Variants in EXT2 observed in about 807,000 individuals in gnomAD.
EXT2 encodes exostosin-2.
EXT2 carries 53 observed loss-of-function variants against 81.6 expected under a neutral mutation model. The ratio of observed to expected loss-of-function variants is 0.65; its 90% CI spans 0.52 to 0.82. EXT2 has a LOEUF of 0.82. EXT2 is among the 40% of genes least tolerant of loss of function. The pLI is 0.00. For synonymous variants in EXT2, 320 were observed against 340.0 expected (o/e 0.94, Z 0.65); for missense variants, 774 against 910.2 (o/e 0.85, Z 1.93).
chr11:44,101,011 T>A (rs1036034802), intron 1 of EXT2, among the ~76,000 whole-genome samples: 1 of 152,046 alleles, frequency 6.6e-6, no homozygotes, highest in Non-Finnish European at 1.5e-5. Context: ...TCCACTCCCC[T>A]CAGATCTCAG....
At chr11:44,107,379 G>T (rs544414226) in intron 1 of EXT2, among the ~76,000 whole-genome samples, 1 of 152,084 alleles carries the variant, frequency 6.6e-6, no homozygotes, top group Non-Finnish European at 1.5e-5. Context: ...CTGATAGATT[G>T]AGCTCAGGAG....
In EXT2 at chr11:44,197,284, G is replaced by A. The variant is rs138301969; in HGVS notation, c.1306-545G>A. Among the ~76,000 whole-genome samples, 6 of 151,796 alleles carry A rather than the reference G, an allele frequency of 4.0e-5. No homozygotes were observed. The East Asian group carries it at 9.7e-4, about 25-fold the overall frequency. On this transcript the variant is annotated intron_variant, in intron 8 of 13. Coordinates refer to ENST00000533608, the MANE Select transcript of EXT2 (RefSeq NM_207122.2). ...CAGTCTTCCTGTTTTCAACCTTACC[G>A]CTTCTCTTACCTCACAAGGTATCTG...
rs79916850 is a variant in EXT2 at position 44,251,516 on chromosome 11, G to A, written c.*7229G>A. On this transcript the variant is annotated 3_prime_UTR_variant, in exon 14 of 14. Coordinates refer to ENST00000533608, the MANE Select transcript of EXT2 (RefSeq NM_207122.2). ...CATGAGACCATTATGAGCAGGACACGACATTGTTTCACACCTTGGGCTGTG... is the reference window on the plus strand; with the variant it reads ...CATGAGACCATTATGAGCAGGACACAACATTGTTTCACACCTTGGGCTGTG... Among the ~76,000 whole-genome samples, 852 of 152,168 alleles carry A rather than the reference G, an allele frequency of 5.6e-3. 14 individuals are homozygous for A. Among genetic ancestry groups the A allele is most frequent in the African/African-American group, 0.019 (796 of 41,500 alleles).
chr11:44,229,422 G>A (rs868413061), intron 10 of EXT2, among the ~76,000 whole-genome samples: 3 of 152,170 alleles, frequency 2.0e-5, no homozygotes, highest in Admixed American at 6.5e-5. Flanking sequence ...AGCTCTGTTG[G>A]TTACAACACA....
intron 8 of EXT2, among the ~76,000 whole-genome samples, chr11:44,185,745 A>T (rs2067786): frequency 0.18 from 26,866 of 152,146 alleles, 2,510 homozygotes; most frequent in Non-Finnish European, 0.22. Context: ...CTTGGATGCC[A>T]TAAGCTGTAA....
chr11:44,215,865 ATTTTTTTTT>A (rs34411687), intron 10 of EXT2, among the ~76,000 whole-genome samples: 12,660 of 128,000 alleles, frequency 0.099, 557 homozygotes, highest in Middle Eastern at 0.19. Flanking sequence ...CCATTTGGGA[ATTTTTTTTT>A]TTTTTTTTTT....
chr11:44,186,976 A>G (rs1216401059), intron 8 of EXT2, among the ~76,000 whole-genome samples: 2 of 146,350 alleles, frequency 1.4e-5, no homozygotes, highest in Non-Finnish European at 3.0e-5. Context: ...TTGACCTTGT[A>G]CAAAATTTCC....
rs1956097602 is a variant in EXT2 at position 44,246,795 on chromosome 11, C to T, written c.*2508C>T. Among the ~76,000 whole-genome samples the T allele has an allele frequency of 2.0e-5, 3 of 152,206 alleles. No individual in the cohort carries two copies. The highest frequency in any genetic ancestry group is 2.0e-4 in the Admixed American group (3 of 15,282). On this transcript the variant is annotated 3_prime_UTR_variant, in exon 14 of 14. Coordinates refer to ENST00000533608, the MANE Select transcript of EXT2 (RefSeq NM_207122.2). ...GAGCTGCTAACCAGCAAACCTCACC[C>T]ATAAGCTTAGGTCAGGATCATCTGT... is the stretch of plus-strand genomic sequence containing the variant.
intron 8 of EXT2, among the ~76,000 whole-genome samples, chr11:44,191,604 A>T (rs1212294615): frequency 6.6e-6 from 1 of 152,192 alleles, no homozygotes; most frequent in South Asian, 2.1e-4. Flanking sequence ...GCTTGATTTC[A>T]TGCAGAAAGT....
chr11:44,193,242 T>G (rs1955415052), intron 8 of EXT2, among the ~76,000 whole-genome samples: 1 of 152,220 alleles, frequency 6.6e-6, no homozygotes, highest in East Asian at 1.9e-4. Flanking sequence ...ATTCTTGTAC[T>G]GCAATTCATT....
rs549061164 is a variant in EXT2 at position 44,214,264 on chromosome 11, A to G, written c.1662+7305A>G. On this transcript the variant is annotated intron_variant, in intron 10 of 13. Coordinates refer to ENST00000533608, the MANE Select transcript of EXT2 (RefSeq NM_207122.2). The stretch of plus-strand genomic sequence containing the variant: ...CGAGTAGCTGGGACTACAGGCGCCC[A>G]CCACCACGCCCGGCTAATTTTTTGT... 5.9e-5 allele frequency among the ~76,000 whole-genome samples: 9 copies of G among 152,032 alleles called. No individual in the cohort carries two copies. The South Asian group carries it at 1.3e-3, about 21-fold the overall frequency.
chr11:44,148,347 C>T (rs946118465), intron 7 of EXT2, among the ~76,000 whole-genome samples: 1 of 152,202 alleles, frequency 6.6e-6, no homozygotes, highest in Non-Finnish European at 1.5e-5. Flanking sequence ...TTAAATTTCT[C>T]TCTTAAATTA....
intron 13 of EXT2, among the ~76,000 whole-genome samples, chr11:44,236,840 A>G (rs954733256): frequency 4.3e-4 from 66 of 152,196 alleles, no homozygotes; most frequent in African/African-American, 1.4e-3. Flanking sequence ...CAAAGCCCTC[A>G]TATTACAGAC....
intron 7 of EXT2, among the ~76,000 whole-genome samples, chr11:44,143,804 A>G (rs1054153058): frequency 2.0e-5 from 3 of 152,218 alleles, no homozygotes; most frequent in African/African-American, 7.2e-5. Context: ...CTGCTGTGCT[A>G]CCTGACTGCT....
chr11:44,158,190 C>G (rs983003137), intron 7 of EXT2, among the ~76,000 whole-genome samples: 1 of 152,202 alleles, frequency 6.6e-6, no homozygotes, highest in Admixed American at 6.5e-5. Flanking sequence ...AGCAGTGACA[C>G]AAGCACCCAC....
At chr11:44,114,160 G>A (rs886770630) in intron 3 of EXT2, 25 bp from the exon 4 acceptor site, 6 of 1,597,996 alleles carry the variant, frequency 3.8e-6, no homozygotes, top group Middle Eastern at 1.7e-4. Context: ...CTTTCTCATC[G>A]TTTAACAAAA....
chr11:44,242,147 A>T (rs954444853), intron 13 of EXT2, among the ~76,000 whole-genome samples: 25 of 152,206 alleles, frequency 1.6e-4, no homozygotes, highest in African/African-American at 5.8e-4. Flanking sequence ...CTTCTTTAAT[A>T]CGTACTTGCT....
intron 7 of EXT2, among the ~76,000 whole-genome samples, chr11:44,134,161 G>A (rs1208565395): frequency 6.6e-6 from 1 of 152,184 alleles, no homozygotes; most frequent in Non-Finnish European, 1.5e-5. Context: ...TTAAAAAACA[G>A]TTCCTTAAGT....
At chr11:44,175,522 T>G (rs1436955548) in intron 8 of EXT2, among the ~76,000 whole-genome samples, 1 of 152,158 alleles carries the variant, frequency 6.6e-6, no homozygotes, top group East Asian at 1.9e-4. Flanking sequence ...TGGCACACCT[T>G]TCTTCCCCAT....
Sources: allele counts gnomAD v4.1 joint callset (sites outside exome capture counted in the v4.1 genomes callset), GRCh38; gene constraint gnomAD v4.1.1; transcripts MANE v1.5; gene names NCBI Gene and HGNC (gene_info 2026-07-23, HGNC 2026-07-21).